Variants in CNTRL observed in about 807,000 individuals in gnomAD.
CNTRL encodes 110 kDa centrosomal protein.
In CNTRL, 233 loss-of-function variants were observed where a neutral mutation model predicts 303.7. The ratio of observed to expected loss-of-function variants is 0.77; its 90% CI spans 0.69 to 0.86. The LOEUF (loss-of-function observed/expected upper bound fraction) is 0.86. CNTRL is among the 40% of genes least tolerant of loss of function. The pLI is 0.00. For missense variants in CNTRL, 2,524 were observed against 2,650.6 expected (o/e 0.95, Z 1.05); for synonymous variants, 900 against 922.2 (o/e 0.98, Z 0.44).
At chr9:121,165,998 T>G in intron 35 of CNTRL, 109 bp from the exon 36 acceptor site, 1 of 763,726 alleles carries the variant, frequency 1.3e-6, no homozygotes, top group South Asian at 1.6e-5. Context: ...GTCATACATG[T>G]AACAGGAGTA....
Position 121,112,458 on chromosome 9 carries a change from G to C in CNTRL, c.1003-1G>C, listed in dbSNP as rs1469413283. 1 of 1,612,416 alleles carries C rather than the reference G, an allele frequency of 6.2e-7. No individual in the cohort carries two copies. Among genetic ancestry groups the C allele is most frequent in the Non-Finnish European group, 8.5e-7 (1 of 1,178,954 alleles). ...TGTCTCATATCAAATTGGGCCAATA[G>C]CTAAAACAGAAGACCATAGAATTAA... On this transcript the variant is annotated splice_acceptor_variant, in intron 8 of 43. Coordinates refer to ENST00000373855, the MANE Select transcript of CNTRL (RefSeq NM_007018.6). LOFTEE classifies it high-confidence loss of function.
chr9:121,104,895 T>C (rs1194190246), intron 7 of CNTRL, among the ~76,000 whole-genome samples: 2 of 151,982 alleles, frequency 1.3e-5, no homozygotes, highest in Non-Finnish European at 2.9e-5. Context: ...GAGACGGGGT[T>C]TGTCTGATTT....
intron 12 of CNTRL, among the ~76,000 whole-genome samples, chr9:121,119,513 C>G (rs962646421): frequency 6.6e-6 from 1 of 152,060 alleles, no homozygotes; most frequent in East Asian, 1.9e-4. Flanking sequence ...CGAGGATGGT[C>G]TTGATCTCCT....
Position 121,143,944 on chromosome 9 carries a change from T to G in CNTRL, c.2913T>G (p.Gly971=). ...CCAAATCTCAGGAGCAAGTTTTTGG[T>G]TTAGATAAAGAACTGAAGAAACTAA... ...EDAKSQEQVF[G]LDKELKKLKK... The change falls in exon 20 of 44, where the codon GGT becomes GGG. Residue 971 remains glycine, a synonymous_variant. Transcript: ENST00000373855. The G allele has an allele frequency of 6.2e-7, 1 of 1,607,638 alleles. No individual in the cohort carries two copies. The highest frequency in any genetic ancestry group is 2.2e-5 in the East Asian group (1 of 44,842).
intron 27 of CNTRL, among the ~76,000 whole-genome samples, chr9:121,155,747 G>T (rs1002717911): frequency 2.0e-4 from 31 of 152,346 alleles, no homozygotes; most frequent in Non-Finnish European, 2.5e-4. Context: ...CTTCCTGGCA[G>T]CCCTGTGTAG....
At chr9:121,164,072 G>T (rs1465514371) in intron 34 of CNTRL, among the ~76,000 whole-genome samples, 1 of 152,068 alleles carries the variant, frequency 6.6e-6, no homozygotes, top group Non-Finnish European at 1.5e-5. Flanking sequence ...CACCATGTTA[G>T]CCAGGATGGT....
chr9:121,091,783 G>A (rs2048581891), intron 4 of CNTRL, among the ~76,000 whole-genome samples: 1 of 151,912 alleles, frequency 6.6e-6, no homozygotes, highest in South Asian at 2.1e-4. Context: ...GGTGGAGGTT[G>A]CAGTGAGCCA....
At chr9:121,089,891 T>A (rs957316383) in intron 3 of CNTRL, among the ~76,000 whole-genome samples, 1 of 152,150 alleles carries the variant, frequency 6.6e-6, no homozygotes, top group Non-Finnish European at 1.5e-5. Context: ...ATAAATTAAA[T>A]TTTAAAAATG....
intron 10 of CNTRL, 48 bp downstream of exon 10, chr9:121,113,772 T>G: frequency 7.8e-7 from 1 of 1,278,678 alleles, no homozygotes; most frequent in Non-Finnish European, 1.0e-6. Context: ...ATGAAAACAT[T>G]GAATATGTAG....
At chr9:121,122,873 G>T (rs551429386) in intron 12 of CNTRL, among the ~76,000 whole-genome samples, 1 of 152,072 alleles carries the variant, frequency 6.6e-6, no homozygotes, top group Non-Finnish European at 1.5e-5. Context: ...TTCCACCATG[G>T]GTTAAGTGTA....
Position 121,114,949 on chromosome 9 carries a change from T to G in CNTRL, c.1346-142T>G, listed in dbSNP as rs573491252. Reference sequence around the variant, plus strand: ...GACAAAAGCGATCATAAGTAATTACTTTAAAATTTTTTTGTGAGATATAAT... The same window carrying G: ...GACAAAAGCGATCATAAGTAATTACGTTAAAATTTTTTTGTGAGATATAAT... On this transcript the variant is annotated intron_variant, in intron 10 of 43. Coordinates refer to ENST00000373855, the MANE Select transcript of CNTRL (RefSeq NM_007018.6). 5.4e-5 allele frequency: 29 copies of G among 534,608 alleles called. 1 individual carries two copies. The South Asian group carries it at 8.8e-4, about 16-fold the overall frequency. 33.1% of individuals were successfully genotyped at this position (534,608 alleles called of 1,614,324 possible). A position where few individuals can be genotyped will look rare whatever the true frequency, so the allele number is the denominator to read the frequency against.
chr9:121,087,340 C>T (rs2048382695), intron 2 of CNTRL, among the ~76,000 whole-genome samples: 1 of 152,036 alleles, frequency 6.6e-6, no homozygotes, highest in Admixed American at 6.5e-5. Flanking sequence ...AATGAGATAT[C>T]ACGTAGGCAA....
At chr9:121,174,463 C>T (rs560140879) in intron 42 of CNTRL, among the ~76,000 whole-genome samples, 1 of 152,162 alleles carries the variant, frequency 6.6e-6, no homozygotes, top group South Asian at 2.1e-4. Flanking sequence ...CCACATGTGT[C>T]TAGTGGCTTC....
intron 12 of CNTRL, 104 bp downstream of exon 12, chr9:121,118,644 G>A (rs752155296): frequency 1.1e-5 from 11 of 965,790 alleles, no homozygotes; most frequent in Non-Finnish European, 1.5e-5. Flanking sequence ...GTTTTAGTTT[G>A]ATGTACAAAT....
chr9:121,113,157 A>G (rs1049330969), intron 9 of CNTRL, among the ~76,000 whole-genome samples: 4 of 152,198 alleles, frequency 2.6e-5, no homozygotes, highest in Non-Finnish European at 5.9e-5. Flanking sequence ...TTTTATTTAT[A>G]TGAGCCAAGA....
rs923389319 is a variant in CNTRL, at chr9:121,151,067, ATTAT to A, written c.3963+591_3963+594del. ...GATTATCTCTAGGTAGGATTTATTTATTATTTATTTTCATAGTTTATATTTCGGT... is the reference window on the plus strand; with the variant it reads ...GATTATCTCTAGGTAGGATTTATTTATTATTTTCATAGTTTATATTTCGGT... On this transcript the variant is annotated intron_variant, in intron 25 of 43. Transcript: ENST00000373855. Among the ~76,000 whole-genome samples the A allele has an allele frequency of 4.3e-4, 65 of 152,240 alleles. 1 individual carries two copies. Among genetic ancestry groups the A allele is most frequent in the African/African-American group, 1.5e-3 (62 of 41,546 alleles).
At chr9:121,159,133 TC>T in intron 31 of CNTRL, 114 bp downstream of exon 31, 1 of 1,078,158 alleles carries the variant, frequency 9.3e-7, no homozygotes, top group Non-Finnish European at 1.3e-6. Flanking sequence ...AAATCTTGCC[TC>T]CTCTGTAAAA....
At chr9:121,145,503 T>G in intron 22 of CNTRL, 118 bp downstream of exon 22, 1 of 1,016,384 alleles carries the variant, frequency 9.8e-7, no homozygotes, top group Non-Finnish European at 1.4e-6. Flanking sequence ...CAGAGAGCTG[T>G]GGTAATTAGC....
rs564856200 is a variant in CNTRL at position 121,133,305 on chromosome 9, C to G, written c.2026-2501C>G. Among the ~76,000 whole-genome samples the G allele has an allele frequency of 1.3e-5, 2 of 152,348 alleles. 1 individual carries two copies. The highest frequency in any genetic ancestry group is 3.9e-4 in the East Asian group (2 of 5,174). On this transcript the variant is annotated intron_variant, in intron 14 of 43. Coordinates refer to ENST00000373855, the MANE Select transcript of CNTRL (RefSeq NM_007018.6). Reference sequence around the variant, plus strand: ...GAGCTGCGGTGGGCTCCGCCCAGTTCGAGCTTCCTGGCTGCTGTGTTTACC... The same window carrying G: ...GAGCTGCGGTGGGCTCCGCCCAGTTGGAGCTTCCTGGCTGCTGTGTTTACC...
Sources: allele counts gnomAD v4.1 joint callset (sites outside exome capture counted in the v4.1 genomes callset), GRCh38; gene constraint gnomAD v4.1.1; transcripts MANE v1.5; gene names NCBI Gene and HGNC (gene_info 2026-07-23, HGNC 2026-07-21).